TCTN1: variants seen among roughly 807,000 people sequenced by gnomAD.
TCTN1 encodes tectonic-1.
A neutral mutation model predicts 65.8 loss-of-function variants in TCTN1; 58 were observed. That is an observed-to-expected ratio of 0.88 (90% CI 0.71 to 1.10). The LOEUF is 1.10. Ranked by LOEUF, TCTN1 falls within the 50% of genes least tolerant of loss-of-function variation. The pLI is 0.00. For missense variants in TCTN1, 645 were observed against 719.4 expected, an observed-to-expected ratio of 0.90 and a Z score of 1.18; for synonymous variants, 273 against 289.1, an observed-to-expected ratio of 0.94 and a Z score of 0.57.
In TCTN1 at chr12:110,640,875, A is replaced by C. The variant is rs551918191; in HGVS notation, c.979-149A>C. On this transcript the variant is annotated intron_variant, in intron 8 of 14. Coordinates refer to ENST00000397659, the MANE Select transcript of TCTN1 (RefSeq NM_001082538.3). The surrounding 1 kb of genome is among the most constrained non-coding windows in gnomAD (Gnocchi z 4.9). ...CTGCTAGGGGTGGTGCTGAGGGAAC[A>C]CCTCTCATAATCCAACTGGACAGCA... 8 of 1,151,324 alleles carry C rather than the reference A, an allele frequency of 6.9e-6. No homozygotes were observed. The highest frequency in any genetic ancestry group is 9.0e-6 in the Non-Finnish European group (7 of 777,598). The allele number at this position is 1,151,324 out of a possible 1,614,324, so 71.3% of individuals were successfully genotyped here.
intron 12 of TCTN1, 83 bp downstream of exon 12, chr12:110,645,212 G>T: frequency 6.4e-7 from 1 of 1,571,242 alleles, no homozygotes; most frequent in Non-Finnish European, 8.6e-7. Context: ...GAAGCCAGCT[G>T]TTAAGGAGGC....
intron 1 of TCTN1, among the ~76,000 whole-genome samples, chr12:110,615,440 A>G (rs2064970762): frequency 6.6e-6 from 1 of 152,208 alleles, no homozygotes; most frequent in African/African-American, 2.4e-5. Flanking sequence ...GTGTGAATTG[A>G]GAGTAACCCC....
intron 4 of TCTN1, 123 bp downstream of exon 4, chr12:110,629,041 A>C (rs949870790): frequency 9.1e-7 from 1 of 1,096,500 alleles, no homozygotes; most frequent in East Asian, 2.5e-5. Flanking sequence ...AGACTAAAAA[A>C]CTTAATGTTC....
rs2067375068 is a variant in TCTN1, at chr12:110,647,121, A to G, written c.1495-75A>G. 2.6e-6 allele frequency: 4 copies of G among 1,564,960 alleles called. No homozygotes were observed. The South Asian group carries it at 3.3e-5, about 13-fold the overall frequency. Reference sequence around the variant, plus strand: ...TTCAGAACATTTTGTAATATGTGAAACCTTTTATAATTAAAACTCTGAACT... The same window carrying G: ...TTCAGAACATTTTGTAATATGTGAAGCCTTTTATAATTAAAACTCTGAACT... On this transcript the variant is annotated intron_variant, in intron 12 of 14. Transcript: ENST00000397659.
chr12:110,634,485 T>C, intron 5 of TCTN1, 185 bp from the exon 6 acceptor site: 1 of 612,314 alleles, frequency 1.6e-6, no homozygotes, highest in Non-Finnish European at 3.0e-6. Flanking sequence ...GAGACCAGTC[T>C]GGGCAACACG....
intron 3 of TCTN1, chr12:110,628,287 G>GT (rs2065985650): frequency 1.6e-5 from 23 of 1,481,250 alleles, no homozygotes; most frequent in Non-Finnish European, 2.1e-5. Flanking sequence ...TGGAGGTCCT[G>GT]TTTGTTTAAT....
chr12:110,641,721 T>C (rs1016530735), intron 10 of TCTN1, 94 bp downstream of exon 10: 4 of 1,330,332 alleles, frequency 3.0e-6, no homozygotes, highest in Non-Finnish European at 4.3e-6. Flanking sequence ...CCTGGGCTGC[T>C]TGTGGGAAGG....
At chr12:110,628,480 A>G (rs748050312) in intron 3 of TCTN1, among the ~76,000 whole-genome samples, 8 of 151,622 alleles carry the variant, frequency 5.3e-5, no homozygotes, top group Non-Finnish European at 1.2e-4. Flanking sequence ...AGCTGGGATT[A>G]CAGGTGCACA....
At chr12:110,620,051 A>C in intron 2 of TCTN1, 95 bp downstream of exon 2, 2 of 1,566,498 alleles carry the variant, frequency 1.3e-6, no homozygotes, top group Admixed American at 3.3e-5. Flanking sequence ...TAAAAACCCA[A>C]ACCTGATTTC....
intron 10 of TCTN1, 185 bp downstream of exon 10, chr12:110,641,812 A>G: frequency 1.7e-6 from 1 of 593,266 alleles, no homozygotes; most frequent in Non-Finnish European, 2.9e-6. Flanking sequence ...GGCTGGGGGG[A>G]GACTGGCAGT....
chr12:110,647,653 C>T, intron 13 of TCTN1, 96 bp from the exon 14 acceptor site: 1 of 1,565,954 alleles, frequency 6.4e-7, no homozygotes, highest in East Asian at 2.2e-5. Context: ...CATGAACTGA[C>T]AGTAGTTGGG....
chr12:110,634,464 G>A, intron 5 of TCTN1: 1 of 602,438 alleles, frequency 1.7e-6, no homozygotes, highest in Non-Finnish European at 3.1e-6. Context: ...ATCACTTGAG[G>A]TGAGGAGTTT....
chr12:110,647,223 C>T lies in TCTN1; in HGVS notation c.1522C>T (p.Leu508Phe), dbSNP rs1016934113. ...KHFVLQDSCQ[L>F]PGALVIEVKW... ...TTTTGTTTTGCAGGATTCCTGCCAG[C>T]TCCCAGGGGCTTTGGTTATAGAAGT... is the stretch of plus-strand genomic sequence containing the variant. Residue 508 changes from leucine to phenylalanine, a missense_variant, in exon 13 of 15, where the codon CTC becomes TTC. Transcript: ENST00000397659. 49 of 1,614,112 alleles carry T rather than the reference C, an allele frequency of 3.0e-5. No homozygotes were observed. The highest frequency in any genetic ancestry group is 4.1e-5 in the Non-Finnish European group (48 of 1,180,042).
Position 110,639,769 on chromosome 12 carries a change from G to T in TCTN1, c.844-614G>T, listed in dbSNP as rs1038407562. ...TTGTGCAACCATCACCACTAATTCCGGAACATTTCCATCACCCCAAAAAGG... is the reference window on the plus strand; with the variant it reads ...TTGTGCAACCATCACCACTAATTCCTGAACATTTCCATCACCCCAAAAAGG... On this transcript the variant is annotated intron_variant, in intron 7 of 14. Transcript: ENST00000397659. The surrounding 1 kb of genome is among the most constrained non-coding windows in gnomAD (Gnocchi z 4.9). Among the ~76,000 whole-genome samples, 1 of 152,054 alleles carries T rather than the reference G, an allele frequency of 6.6e-6. No individual in the cohort carries two copies. The highest frequency in any genetic ancestry group is 6.6e-5 in the Admixed American group (1 of 15,258).
intron 2 of TCTN1, among the ~76,000 whole-genome samples, chr12:110,620,419 A>G (rs948830046): frequency 6.6e-6 from 1 of 152,170 alleles, no homozygotes; most frequent in African/African-American, 2.4e-5. Flanking sequence ...AAAAAAAAAA[A>G]AGTAGCTATC....
In TCTN1 at chr12:110,647,870, ACTT is replaced by A. The variant is rs1482826487; in HGVS notation, c.1765_1767del (p.Phe589del). ...GCCATCAATGCCAGGCTGCCCTTTA[ACTT>A]CTTCTTCCCGTTTGTTTGACGTAAG... is the stretch of plus-strand genomic sequence containing the variant. On this transcript the variant is annotated inframe_deletion, in exon 14 of 15. Coordinates refer to ENST00000397659, the MANE Select transcript of TCTN1 (RefSeq NM_001082538.3). 7 of 1,613,806 alleles carry A rather than the reference ACTT, an allele frequency of 4.3e-6. No homozygotes were observed. Among genetic ancestry groups the A allele is most frequent in the African/African-American group, 4.0e-5 (3 of 74,896 alleles).
chr12:110,626,483 A>G lies in TCTN1; in HGVS notation c.463A>G (p.Ile155Val). The change falls in exon 3 of 15, where the codon ATT (isoleucine) becomes GTT (valine). Residue 155 changes from isoleucine to valine, a missense_variant. Coordinates refer to ENST00000397659, the MANE Select transcript of TCTN1 (RefSeq NM_001082538.3). The part of the protein sequence containing the change: ...QINPSIFCIH[I>V]TNYKPALSFI... ...TAATCCATCTATTTTCTGCATTCATATTACAAACTGTAAGTATTTGACATT... is the reference window on the plus strand; with the variant it reads ...TAATCCATCTATTTTCTGCATTCATGTTACAAACTGTAAGTATTTGACATT... 1 of 1,612,384 alleles carries G rather than the reference A, an allele frequency of 6.2e-7. No homozygotes were observed. Among genetic ancestry groups the G allele is most frequent in the Non-Finnish European group, 8.5e-7 (1 of 1,179,430 alleles).
At chr12:110,641,806 G>T (rs1033387154) in intron 10 of TCTN1, 179 bp downstream of exon 10, 9 of 620,820 alleles carry the variant, frequency 1.4e-5, no homozygotes, top group Non-Finnish European at 2.0e-5. Flanking sequence ...CAGGTGGGCT[G>T]GGGGGAGACT....
At chr12:110,641,301 C>A in intron 9 of TCTN1, 152 bp downstream of exon 9, 1 of 1,174,544 alleles carries the variant, frequency 8.5e-7, no homozygotes, top group Non-Finnish European at 1.2e-6. Context: ...GTAATGAAAC[C>A]AAGCATTCTC....
Sources: gnomAD v4.1 joint callset for allele counts (sites outside exome capture counted in the v4.1 genomes callset) on GRCh38, gnomAD v4.1.1 for gene constraint, Gnocchi (gnomAD v3.1) non-coding constraint, MANE v1.5 for transcripts, NCBI Gene and HGNC (gene_info 2026-07-23, HGNC 2026-07-21) for gene names.